The following SMARCA2 variants were observed in gnomAD, a reference collection of about 807,000 sequenced individuals.
SMARCA2 encodes the protein SWI/SNF-related matrix-associated actin-dependent regulator of chromatin subfamily A member 2.
A neutral mutation model predicts 199.8 loss-of-function variants in SMARCA2; 61 were observed. The observed-to-expected ratio is 0.31, with a 90% CI of 0.25 to 0.38. SMARCA2 has a LOEUF of 0.38. Among genes scored for constraint, SMARCA2 ranks in the 10% least tolerant of loss-of-function variants. SMARCA2 has a pLI of 1.00. For missense variants in SMARCA2, 1,344 were observed against 2,012.2 expected, an observed-to-expected ratio of 0.67 and a Z score of 6.35; for synonymous variants, 935 against 732.0, an observed-to-expected ratio of 1.28 and a Z score of -4.48.
intron 31 of SMARCA2, among the ~76,000 whole-genome samples, chr9:2,184,763 T>C (rs1243115832): frequency 6.6e-6 from 1 of 152,158 alleles, no homozygotes; most frequent in African/African-American, 2.4e-5. Flanking sequence ...AAGCCCCTCA[T>C]TTCTCACCGC....
intron 27 of SMARCA2, among the ~76,000 whole-genome samples, chr9:2,153,128 T>TAAAA (rs1384964690): frequency 6.6e-6 from 1 of 152,158 alleles, no homozygotes; most frequent in Non-Finnish European, 1.5e-5. Flanking sequence ...TGGCAAAGGA[T>TAAAA]AAAATGTTGG....
At chr9:2,069,546 A>G (rs1025450185) in intron 9 of SMARCA2, among the ~76,000 whole-genome samples, 13 of 151,630 alleles carry the variant, frequency 8.6e-5, no homozygotes, top group East Asian at 5.9e-4. Context: ...GCGACAGAGC[A>G]AGACTCTGTC....
At chr9:2,055,467 A>G (rs1360212767) in intron 6 of SMARCA2, 4 of 152,238 alleles carry the variant, frequency 2.6e-5, no homozygotes, top group Non-Finnish European at 4.4e-5. Context: ...CAAAGGGGAT[A>G]AGGAACGTTT....
chr9:2,149,678 A>C (rs960222530), intron 27 of SMARCA2, among the ~76,000 whole-genome samples: 1 of 151,594 alleles, frequency 6.6e-6, no homozygotes, highest in African/African-American at 2.4e-5. Flanking sequence ...AGTACAATTC[A>C]AGATGAGATT....
intron 9 of SMARCA2, among the ~76,000 whole-genome samples, chr9:2,069,388 C>G (rs1203520451): frequency 1.3e-5 from 2 of 151,270 alleles, no homozygotes; most frequent in Admixed American, 6.6e-5. Flanking sequence ...AACCCCGTCT[C>G]CACTAAAAAA....
intron 32 of SMARCA2, among the ~76,000 whole-genome samples, chr9:2,187,248 G>A (rs2129955542): frequency 6.6e-6 from 1 of 152,192 alleles, no homozygotes; most frequent in South Asian, 2.1e-4. Flanking sequence ...TAGGATATTA[G>A]TTGATGACTG....
At chr9:2,174,106 G>A (rs960535355) in intron 29 of SMARCA2, among the ~76,000 whole-genome samples, 6 of 152,090 alleles carry the variant, frequency 3.9e-5, no homozygotes, top group Non-Finnish European at 7.4e-5. Context: ...TCTGTTTCCC[G>A]AGACACAGAA....
rs1819525635 is a variant in SMARCA2 at position 2,039,861 on chromosome 9, C to G, written c.751C>G (p.Gln251Glu). The change falls in exon 4 of 34, where the codon CAA becomes GAA. Residue 251 changes from glutamine to glutamate, a missense_variant. Physicochemically the swap from Gln to Glu is conservative, Grantham distance 29. This residue lies in a region of SMARCA2 where 117 missense variants were observed against 99.1 expected (regional missense o/e 1.18). Transcript: ENST00000349721. This position sits in a 1 kb window ranked among gnomAD's most constrained non-coding sequence, Gnocchi z 4.8. ...QQPPQPQTQQ[Q>E]QQPALVNYNR... ...GCCGCCGCAACCACAGACGCAGCAA[C>G]AACAGCAGCCGGCCCTTGTTAACTA... The G allele has an allele frequency of 2.5e-6, 4 of 1,613,736 alleles. No individual in the cohort carries two copies. The highest frequency in any genetic ancestry group is 2.2e-5 in the South Asian group (2 of 91,020).
chr9:2,077,585 C>A, intron 13 of SMARCA2, 44 bp from the exon 14 acceptor site: 2 of 1,586,040 alleles, frequency 1.3e-6, no homozygotes, highest in East Asian at 2.3e-5. Context: ...ACAACACATG[C>A]ACGCACATGT....
chr9:2,170,893 A>G lies in SMARCA2; in HGVS notation c.4253+421A>G, dbSNP rs551384754. Among the ~76,000 whole-genome samples the G allele has an allele frequency of 3.9e-5, 6 of 152,324 alleles. No individual in the cohort carries two copies. In the East Asian group the frequency reaches 9.6e-4, roughly 24 times the overall value. ...GTAGTGACTTGATCTCCTGCGAGAC[A>G]TGAAGAAGCGTGCATGTTCACGCTG... On this transcript the variant is annotated intron_variant, in intron 29 of 33. Coordinates refer to ENST00000349721, the MANE Select transcript of SMARCA2 (RefSeq NM_003070.5). This position sits in a 1 kb window ranked among gnomAD's most constrained non-coding sequence, Gnocchi z 4.7.
In SMARCA2 at chr9:2,066,333, G is replaced by C. The variant is rs962962328; in HGVS notation, c.1693-4085G>C. Reference sequence around the variant, plus strand: ...CTACTGAAGTCTTCTTTTGAGTTCAGCTTACACGGGATTTTCATATTTAGA... The same window carrying C: ...CTACTGAAGTCTTCTTTTGAGTTCACCTTACACGGGATTTTCATATTTAGA... On this transcript the variant is annotated intron_variant, in intron 9 of 33. Transcript: ENST00000349721. Among the ~76,000 whole-genome samples the C allele has an allele frequency of 2.6e-5, 4 of 152,192 alleles. No homozygotes were observed. In the East Asian group the frequency reaches 7.7e-4, roughly 29 times the overall value.
At chr9:2,059,088 A>G (rs10117749) in intron 8 of SMARCA2, among the ~76,000 whole-genome samples, 5,845 of 152,266 alleles carry the variant, frequency 0.038, 380 homozygotes, top group African/African-American at 0.13. Flanking sequence ...ATAGGTTTAT[A>G]TCATTGGCCT....
chr9:2,173,212 G>C (rs1826351369), intron 29 of SMARCA2, among the ~76,000 whole-genome samples: 1 of 152,176 alleles, frequency 6.6e-6, no homozygotes, highest in Admixed American at 6.5e-5. Flanking sequence ...ACATGTGCAT[G>C]TATGTAGTTA....
At position 2,170,305 on chromosome 9, in the gene SMARCA2, C is replaced by A; in HGVS notation, c.4200-114C>A. ...ACCCCGTGTAATCTTCCTAACAAGG[C>A]AGGTTGGTGAGGAGACTGAGGCTTG... On this transcript the variant is annotated intron_variant, in intron 28 of 33. Coordinates refer to ENST00000349721, the MANE Select transcript of SMARCA2 (RefSeq NM_003070.5). This position sits in a 1 kb window ranked among gnomAD's most constrained non-coding sequence, Gnocchi z 4.7. 7.8e-7 allele frequency: 1 copy of A among 1,289,936 alleles called. No individual in the cohort carries two copies. Among genetic ancestry groups the A allele is most frequent in the Non-Finnish European group, 1.1e-6 (1 of 922,404 alleles). 79.9% of individuals were successfully genotyped at this position (1,289,936 alleles called of 1,614,324 possible). A position where few individuals can be genotyped will look rare whatever the true frequency, so the allele number is the denominator to read the frequency against.
intron 5 of SMARCA2, among the ~76,000 whole-genome samples, chr9:2,052,607 A>G (rs1047893305): frequency 1.3e-5 from 2 of 152,264 alleles, no homozygotes; most frequent in Non-Finnish European, 2.9e-5. Context: ...TCAGTCTTAG[A>G]TACTATTTTT....
intron 9 of SMARCA2, among the ~76,000 whole-genome samples, chr9:2,064,956 G>A (rs185348177): frequency 1.7e-4 from 26 of 152,292 alleles, no homozygotes; most frequent in African/African-American, 5.1e-4. Context: ...AGGCCGAGGC[G>A]GGCGGATCAC....
intron 4 of SMARCA2, chr9:2,044,504 A>T (rs980341267): frequency 6.6e-6 from 1 of 152,246 alleles, no homozygotes; most frequent in Non-Finnish European, 1.5e-5. Flanking sequence ...AGCTGAGTCA[A>T]TTAGGCTTCT....
In SMARCA2 at chr9:2,104,151, C is replaced by G. The variant is rs755946240; in HGVS notation, c.3274C>G (p.Leu1092Val). ...MEDYFAFRNF[L>V]YLRLDGTTKS... is the part of the protein sequence containing the mutation. ...GGATTATTTTGCTTTTCGGAACTTC[C>G]TTTACCTACGCCTTGATGGTAAGTG... Residue 1092 changes from leucine to valine, a missense_variant, in exon 23 of 34, where the codon CTT (leucine) becomes GTT (valine). Around this residue, in one of 18 missense-constraint regions of SMARCA2, gnomAD observed 98 missense variants for 245.6 expected, o/e 0.40. Coordinates refer to ENST00000349721, the MANE Select transcript of SMARCA2 (RefSeq NM_003070.5). This position sits in a 1 kb window ranked among gnomAD's most constrained non-coding sequence, Gnocchi z 4.0. The G allele has an allele frequency of 1.2e-5, 19 of 1,613,888 alleles. No individual in the cohort carries two copies. The Admixed American group carries it at 2.8e-4, about 24-fold the overall frequency.
intron 29 of SMARCA2, among the ~76,000 whole-genome samples, chr9:2,171,010 C>G (rs576511451): frequency 6.6e-6 from 1 of 152,300 alleles, no homozygotes; most frequent in South Asian, 2.1e-4. Context: ...GGGTGTGACT[C>G]CTGGGCCTAC....
Sources: gnomAD v4.1 joint callset for allele counts (sites outside exome capture counted in the v4.1 genomes callset) on GRCh38, gnomAD v4.1.1 for gene constraint, gnomAD v4.1.1 regional missense constraint, Gnocchi (gnomAD v3.1) non-coding constraint, MANE v1.5 for transcripts, NCBI Gene and HGNC (gene_info 2026-07-23, HGNC 2026-07-21) for gene names.